The following ADAMTSL3 variants were observed in gnomAD, a reference collection of about 807,000 sequenced individuals.
The protein encoded by ADAMTSL3 is ADAMTS like 3, also known as ADAMTS-like protein 3.
In ADAMTSL3, 128 loss-of-function variants were observed where a neutral mutation model predicts 201.7. The observed-to-expected ratio is 0.63, with a 90% CI of 0.55 to 0.73. The LOEUF (loss-of-function observed/expected upper bound fraction) is 0.73, where lower values mean the gene tolerates loss of function less well. Ranked by LOEUF, ADAMTSL3 falls within the 30% of genes least tolerant of loss-of-function variation. The probability of loss-of-function intolerance (pLI) is 0.00; values close to 1 mark genes in which losing one functional copy is unlikely to be tolerated. For missense variants in ADAMTSL3, 1,990 were observed against 2,119.6 expected, an observed-to-expected ratio of 0.94 and a Z score of 1.20; for synonymous variants, 738 against 748.4, an observed-to-expected ratio of 0.99 and a Z score of 0.23.
chr15:83,991,744 A>G (rs574444249), intron 23 of ADAMTSL3, among the ~76,000 whole-genome samples: 2 of 152,068 alleles, frequency 1.3e-5, no homozygotes, highest in East Asian at 3.9e-4. Flanking sequence ...CGTGTTTACA[A>G]CTGCAGACAA....
At chr15:83,795,342 C>A (rs915451682) in intron 4 of ADAMTSL3, among the ~76,000 whole-genome samples, 1 of 152,068 alleles carries the variant, frequency 6.6e-6, no homozygotes, top group Non-Finnish European at 1.5e-5. Flanking sequence ...GGCCAAAAAG[C>A]AAAGAGTAAA....
chr15:83,877,231 G>A (rs1273541059), intron 9 of ADAMTSL3, among the ~76,000 whole-genome samples: 2 of 152,124 alleles, frequency 1.3e-5, no homozygotes, highest in African/African-American at 4.8e-5. Context: ...CATCCCCTAA[G>A]ATATTCTTCT....
chr15:83,894,664 TAA>T (rs1156726061), intron 13 of ADAMTSL3, among the ~76,000 whole-genome samples: 2 of 152,186 alleles, frequency 1.3e-5, no homozygotes, highest in Admixed American at 6.5e-5. Flanking sequence ...TTTTATGCTT[TAA>T]AGTCTTTTTT....
intron 17 of ADAMTSL3, among the ~76,000 whole-genome samples, chr15:83,925,198 C>T (rs1264474295): frequency 6.6e-6 from 1 of 152,144 alleles, no homozygotes; most frequent in African/African-American, 2.4e-5. Flanking sequence ...GATGGGCACC[C>T]CTTCCTTGAG....
chr15:84,003,227 A>G (rs2141865756), intron 23 of ADAMTSL3, among the ~76,000 whole-genome samples: 1 of 152,106 alleles, frequency 6.6e-6, no homozygotes, highest in East Asian at 1.9e-4. Context: ...CTGAGATTAC[A>G]GGTGGGAGCC....
At chr15:83,786,345 A>C (rs1413751412) in intron 4 of ADAMTSL3, among the ~76,000 whole-genome samples, 1 of 152,160 alleles carries the variant, frequency 6.6e-6, no homozygotes, top group African/African-American at 2.4e-5. Flanking sequence ...ACATAGGTGT[A>C]TATATTTATG....
chr15:83,724,671 A>T (rs2062147537), intron 3 of ADAMTSL3, among the ~76,000 whole-genome samples: 1 of 151,864 alleles, frequency 6.6e-6, no homozygotes, highest in African/African-American at 2.4e-5. Flanking sequence ...TTTTGTACCC[A>T]TTAGCCATCC....
At chr15:83,857,280 T>C (rs1041655935) in intron 7 of ADAMTSL3, among the ~76,000 whole-genome samples, 1 of 152,216 alleles carries the variant, frequency 6.6e-6, no homozygotes, top group Non-Finnish European at 1.5e-5. Context: ...CTCTTCATTC[T>C]GTTCATAGTG....
At chr15:83,813,481 T>C (rs955037628) in intron 5 of ADAMTSL3, among the ~76,000 whole-genome samples, 10 of 152,284 alleles carry the variant, frequency 6.6e-5, no homozygotes, top group African/African-American at 2.2e-4. Flanking sequence ...CTAGTTGTAA[T>C]AGGGACATGC....
Position 83,913,115 on chromosome 15 carries a change from C to A in ADAMTSL3, c.1724C>A (p.Ala575Asp). 1 of 1,614,108 alleles carries A rather than the reference C, an allele frequency of 6.2e-7. No individual in the cohort carries two copies. The highest frequency in any genetic ancestry group is 8.5e-7 in the Non-Finnish European group (1 of 1,180,020). ...EPTFIPEPWS[A>D]CSTTCGPGVQ... The stretch of plus-strand genomic sequence containing the variant: ...AGGTTCATTCCAGAACCCTGGTCAG[C>A]CTGCAGTACCACGTGTGGGCCGGGT... Residue 575 changes from alanine (A) to aspartate (D), a missense_variant, in exon 16 of 30, where the codon GCC (alanine) becomes GAC (aspartate). Coordinates refer to ENST00000286744, the MANE Select transcript of ADAMTSL3 (RefSeq NM_207517.3).
At chr15:83,763,717 G>C (rs550303053) in intron 3 of ADAMTSL3, among the ~76,000 whole-genome samples, 1 of 152,132 alleles carries the variant, frequency 6.6e-6, no homozygotes, top group African/African-American at 2.4e-5. Flanking sequence ...CTGTTAGCCA[G>C]GATGATCTCA....
chr15:83,754,237 A>C (rs2062683565), intron 3 of ADAMTSL3, among the ~76,000 whole-genome samples: 1 of 152,192 alleles, frequency 6.6e-6, no homozygotes, highest in Admixed American at 6.5e-5. Context: ...GAAAAGCACC[A>C]TTCTAGAATG....
chr15:83,765,724 T>G (rs1418721295), intron 3 of ADAMTSL3, among the ~76,000 whole-genome samples: 1 of 152,204 alleles, frequency 6.6e-6, no homozygotes, highest in Admixed American at 6.5e-5. Context: ...TCATCCAAAA[T>G]ATTCCCTAGC....
intron 8 of ADAMTSL3, 29 bp from the exon 9 acceptor site, chr15:83,870,770 TTTC>T (rs1245705503): frequency 2.0e-6 from 3 of 1,510,302 alleles, no homozygotes; most frequent in African/African-American, 2.8e-5. Context: ...TTTAAGATTG[TTTC>T]TTATTTGAAT....
chr15:83,803,574 T>C (rs2063555611), intron 4 of ADAMTSL3, among the ~76,000 whole-genome samples: 1 of 152,072 alleles, frequency 6.6e-6, no homozygotes, highest in Admixed American at 6.6e-5. Flanking sequence ...TTAGGAAAAG[T>C]GCCATGAAGA....
chr15:83,654,789 C>CT lies in ADAMTSL3; in HGVS notation c.-34+513_-34+514insT, dbSNP rs1274573983. Among the ~76,000 whole-genome samples the CT allele has an allele frequency of 5.9e-5, 9 of 152,144 alleles. No homozygotes were observed. Among genetic ancestry groups the CT allele is most frequent in the Admixed American group, 5.9e-4 (9 of 15,286 alleles). On this transcript the variant is annotated intron_variant, in intron 1 of 29. Transcript: ENST00000286744. This position sits in a 1 kb window ranked among gnomAD's most constrained non-coding sequence, Gnocchi z 5.3. ...TGTGCACTCGGAAGGCTGGTGCGAG[C>CT]AGGCGAGGGTGGCGCAGAGTCCCAG...
At chr15:83,744,170 A>G (rs1368947964) in intron 3 of ADAMTSL3, among the ~76,000 whole-genome samples, 1 of 152,236 alleles carries the variant, frequency 6.6e-6, no homozygotes, top group African/African-American at 2.4e-5. Context: ...TATTTTAAAA[A>G]AAGGCAAATT....
chr15:83,866,188 G>A (rs2064971525), intron 8 of ADAMTSL3, among the ~76,000 whole-genome samples: 2 of 152,202 alleles, frequency 1.3e-5, no homozygotes, highest in African/African-American at 2.4e-5. Flanking sequence ...AACCATTGTG[G>A]AAGACAGTGT....
chr15:83,689,062 A>T (rs2061577913), intron 2 of ADAMTSL3, among the ~76,000 whole-genome samples: 1 of 152,174 alleles, frequency 6.6e-6, no homozygotes, highest in Non-Finnish European at 1.5e-5. Context: ...GGCTCAAGTG[A>T]TCCACCCGTC....
Sources: allele counts gnomAD v4.1 joint callset (sites outside exome capture counted in the v4.1 genomes callset), GRCh38; gene constraint gnomAD v4.1.1; non-coding constraint Gnocchi (gnomAD v3.1); transcripts MANE v1.5; gene names NCBI Gene and HGNC (gene_info 2026-07-23, HGNC 2026-07-21).